The following ANO10 variants were observed in gnomAD, a reference collection of about 807,000 sequenced individuals.
The protein encoded by ANO10 is anoctamin 10.
ANO10 carries 77 observed loss-of-function variants against 74.7 expected under a neutral mutation model. The observed-to-expected ratio is 1.03, with a 90% CI of 0.86 to 1.25. The LOEUF is 1.25. ANO10 is among the 50% of genes most tolerant of loss of function. The probability of loss-of-function intolerance (pLI) is 0.00; values close to 1 mark genes in which losing one functional copy is unlikely to be tolerated. For missense variants in ANO10, 721 were observed against 778.1 expected, an observed-to-expected ratio of 0.93 and a Z score of 0.87; for synonymous variants, 279 against 284.9, an observed-to-expected ratio of 0.98 and a Z score of 0.21.
Position 43,366,628 on chromosome 3 carries a change from G to A in ANO10, c.*278C>T, listed in dbSNP as rs564908216. On this transcript the variant is annotated 3_prime_UTR_variant, in exon 13 of 13. Transcript: ENST00000292246. Reference sequence around the variant, plus strand: ...GGTGAGAGGCTCAAGGGCGGCAGTGGCTCTGCAGCAAAGTTGGCAGCTGGA... The same window carrying A: ...GGTGAGAGGCTCAAGGGCGGCAGTGACTCTGCAGCAAAGTTGGCAGCTGGA... 2.4e-5 allele frequency: 13 copies of A among 531,750 alleles called. 1 individual carries two copies. In the South Asian group the frequency reaches 2.6e-4, roughly 11 times the overall value. The allele number at this position is 531,750 out of a possible 1,614,324, so 32.9% of individuals were successfully genotyped here.
intron 12 of ANO10, among the ~76,000 whole-genome samples, chr3:43,394,281 T>G (rs2092335609): frequency 6.6e-6 from 1 of 152,072 alleles, no homozygotes; most frequent in African/African-American, 2.4e-5. Flanking sequence ...CTGCCTATGA[T>G]CTCTTCTTCT....
At chr3:43,570,332 A>G (rs1434573565) in intron 7 of ANO10, among the ~76,000 whole-genome samples, 1 of 150,862 alleles carries the variant, frequency 6.6e-6, no homozygotes, top group Non-Finnish European at 1.5e-5. Flanking sequence ...GGAAAAAACT[A>G]CTTTAAAGTT....
At chr3:43,486,002 A>ATT (rs2076471884) in intron 11 of ANO10, 1 of 260,700 alleles carries the variant, frequency 3.8e-6, no homozygotes, top group Non-Finnish European at 7.5e-6. Flanking sequence ...ACATTTTGAA[A>ATT]TGGCTGCCAC....
Position 43,598,636 on chromosome 3 carries a change from T to A in ANO10, c.368A>T (p.Glu123Val). ...DNNDDFLTMA[E>V]CQFIIKHELE... ...TTCATGTTTGATAATGAATTGACATTCTGCCATTGTCAGGAAATCATCATT... is the reference window on the plus strand; with the variant it reads ...TTCATGTTTGATAATGAATTGACATACTGCCATTGTCAGGAAATCATCATT... The change falls in exon 4 of 13, where the codon GAA becomes GTA. Residue 123 changes from glutamate to valine, a missense_variant. By Grantham distance (121) the Glu-to-Val change is moderately radical. Transcript: ENST00000292246. The A allele has an allele frequency of 6.2e-7, 1 of 1,609,336 alleles. No individual in the cohort carries two copies. The highest frequency in any genetic ancestry group is 1.7e-5 in the Admixed American group (1 of 59,784).
chr3:43,462,460 A>G (rs1276217470), intron 11 of ANO10, among the ~76,000 whole-genome samples: 2 of 152,020 alleles, frequency 1.3e-5, no homozygotes, highest in African/African-American at 4.8e-5. Flanking sequence ...CGAACTCCTG[A>G]CCTCAGGTAA....
intron 12 of ANO10, among the ~76,000 whole-genome samples, chr3:43,386,100 G>A (rs2092108352): frequency 6.6e-6 from 1 of 152,144 alleles, no homozygotes; most frequent in Non-Finnish European, 1.5e-5. Flanking sequence ...CTCTGACTCT[G>A]GAGTCCAGGG....
At chr3:43,688,568 C>T (rs575238253) in intron 1 of ANO10, among the ~76,000 whole-genome samples, 4 of 152,240 alleles carry the variant, frequency 2.6e-5, no homozygotes, top group East Asian at 3.9e-4. Flanking sequence ...TACAGCTGGG[C>T]GCGGTGGCTC....
chr3:43,598,249 A>G (rs1239481463), intron 4 of ANO10, among the ~76,000 whole-genome samples: 2 of 152,240 alleles, frequency 1.3e-5, no homozygotes, highest in African/African-American at 4.8e-5. Context: ...TAGGGCATAA[A>G]GTAAACTTTG....
chr3:43,522,984 A>G (rs567618445), intron 11 of ANO10, among the ~76,000 whole-genome samples: 1 of 152,208 alleles, frequency 6.6e-6, no homozygotes, highest in Non-Finnish European at 1.5e-5. Context: ...GAAGCAAGGG[A>G]GGCTGGAAAG....
At chr3:43,488,124 A>G (rs889394834) in intron 11 of ANO10, among the ~76,000 whole-genome samples, 1 of 151,472 alleles carries the variant, frequency 6.6e-6, no homozygotes, top group Admixed American at 6.6e-5. Context: ...ATATGTAGAA[A>G]GCTGAAACTG....
At chr3:43,624,403 T>TG (rs1341346560), upstream of ANO10, among the ~76,000 whole-genome samples, 1 of 152,152 alleles carries the variant, frequency 6.6e-6, no homozygotes, top group African/African-American at 2.4e-5. Flanking sequence ...GATTGGATCA[T>TG]GGGGGTAGAT....
At chr3:43,624,282 G>A (rs1335586324), upstream of ANO10, among the ~76,000 whole-genome samples, 2 of 152,196 alleles carry the variant, frequency 1.3e-5, no homozygotes, top group African/African-American at 4.8e-5. Context: ...CTAGATGGCT[G>A]CTAAGTGACC....
intron 12 of ANO10, among the ~76,000 whole-genome samples, chr3:43,421,175 A>T (rs890513261): frequency 1.3e-5 from 2 of 151,958 alleles, no homozygotes; most frequent in African/African-American, 2.4e-5. Flanking sequence ...GGGAACCCAG[A>T]TTGCGCCACC....
intron 12 of ANO10, chr3:43,372,801 G>C: frequency 2.6e-6 from 4 of 1,531,244 alleles, no homozygotes. Flanking sequence ...CACTGAGTTG[G>C]TGCTCCATGA....
At chr3:43,658,251 G>A (rs1401262018) in intron 1 of ANO10, among the ~76,000 whole-genome samples, 4 of 152,128 alleles carry the variant, frequency 2.6e-5, no homozygotes, top group South Asian at 4.2e-4. Context: ...ATAGGTCATC[G>A]AGAAAGGCCA....
At chr3:43,428,808 A>AAAAAAAAC in intron 12 of ANO10, among the ~76,000 whole-genome samples, 1 of 150,520 alleles carries the variant, frequency 6.6e-6, no homozygotes, top group Non-Finnish European at 1.5e-5. Context: ...AAAAAAAAAA[A>AAAAAAAAC]AAAAAAAAAA....
At chr3:43,690,670 C>A (rs1303154471) in intron 1 of ANO10, 2 of 340,384 alleles carry the variant, frequency 5.9e-6, no homozygotes, top group Non-Finnish European at 1.1e-5. Flanking sequence ...TGCATGAATA[C>A]AGTCATTATT....
chr3:43,632,097 G>C (rs2083554734), intron 1 of ANO10, among the ~76,000 whole-genome samples: 2 of 151,574 alleles, frequency 1.3e-5, no homozygotes, highest in South Asian at 4.2e-4. Flanking sequence ...AAGAAAGTAA[G>C]TTACAAAATT....
chr3:43,528,407 GA>G (rs1006559183), intron 11 of ANO10, among the ~76,000 whole-genome samples: 118 of 151,358 alleles, frequency 7.8e-4, no homozygotes, highest in African/African-American at 2.6e-3. Flanking sequence ...TTAAGAACAT[GA>G]AAAAAAACTT....
Sources: gnomAD v4.1 joint callset for allele counts (sites outside exome capture counted in the v4.1 genomes callset) on GRCh38, gnomAD v4.1.1 for gene constraint, MANE v1.5 for transcripts, NCBI Gene and HGNC (gene_info 2026-07-23, HGNC 2026-07-21) for gene names.